Variants in CCDC13 observed in about 807,000 individuals in gnomAD.
The protein encoded by CCDC13 is coiled-coil domain containing 13.
In CCDC13, 70 loss-of-function variants were observed where a neutral mutation model predicts 87.3. That is an observed-to-expected ratio of 0.80 (90% CI 0.66 to 0.98). CCDC13 has a LOEUF of 0.98. CCDC13 is among the 50% of genes least tolerant of loss of function. The pLI is 0.00. For missense variants in CCDC13, 842 were observed against 892.0 expected (o/e 0.94, Z 0.71); for synonymous variants, 317 against 360.3 (o/e 0.88, Z 1.36).
intron 1 of CCDC13, among the ~76,000 whole-genome samples, chr3:42,772,164 C>A (rs1010701304): frequency 6.7e-6 from 1 of 149,950 alleles, no homozygotes; most frequent in Non-Finnish European, 1.5e-5. Context: ...CCCAGCTACT[C>A]GAGCCCAAGG....
rs766510697 is a variant in CCDC13 at position 42,709,741 on chromosome 3, G to A, written c.1931C>T (p.Ser644Phe). 6.2e-7 allele frequency: 1 copy of A among 1,614,204 alleles called. No homozygotes were observed. Among genetic ancestry groups the A allele is most frequent in the Non-Finnish European group, 8.5e-7 (1 of 1,180,030 alleles). The change falls in exon 15 of 16, where the codon TCC becomes TTC. Residue 644 changes from serine to phenylalanine, a missense_variant. Coordinates refer to ENST00000310232, the MANE Select transcript of CCDC13 (RefSeq NM_144719.4). ...GGGCACATCGGAGAGCTGGGCAAAG[G>A]ATGGGTCCTTCTTCTCGCTCCCGGT... is the stretch of plus-strand genomic sequence containing the variant. The part of the protein sequence containing the change: ...NPTGSEKKDP[S>F]FAQLSDVPVE...
chr3:42,744,899 C>T lies in CCDC13; in HGVS notation c.825+1024G>A, dbSNP rs201084296. The T allele has an allele frequency of 3.3e-5, 5 of 151,288 alleles. No homozygotes were observed. In the East Asian group the frequency reaches 9.7e-4, roughly 29 times the overall value. The allele number at this position is 151,288 out of a possible 1,614,324, so 9.4% of individuals were successfully genotyped here. On this transcript the variant is annotated intron_variant, in intron 7 of 15. Coordinates refer to ENST00000310232, the MANE Select transcript of CCDC13 (RefSeq NM_144719.4). The stretch of plus-strand genomic sequence containing the variant: ...GTGCTTATTATGGTCAGGCACTGTC[C>T]TAGGTGCTTTACAAATGTTATTTTA...
chr3:42,756,423 C>T (rs1213429389), intron 3 of CCDC13, among the ~76,000 whole-genome samples: 2 of 152,184 alleles, frequency 1.3e-5, no homozygotes, highest in African/African-American at 2.4e-5. Context: ...ACCATGAGGT[C>T]TCCACCAACA....
chr3:42,754,341 TCAGAG>T (rs1699658501), intron 3 of CCDC13, among the ~76,000 whole-genome samples: 1 of 151,944 alleles, frequency 6.6e-6, no homozygotes, highest in Non-Finnish European at 1.5e-5. Flanking sequence ...GAGAAAAGGC[TCAGAG>T]CAGACCTGGA....
intron 13 of CCDC13, among the ~76,000 whole-genome samples, chr3:42,724,335 C>T (rs1473479417): frequency 6.6e-6 from 1 of 152,178 alleles, no homozygotes; most frequent in Non-Finnish European, 1.5e-5. Context: ...CTCTTTCTTC[C>T]TCATCTTCAG....
At chr3:42,745,168 T>C (rs1303690737) in intron 7 of CCDC13, 5 of 152,252 alleles carry the variant, frequency 3.3e-5, no homozygotes, top group Non-Finnish European at 7.3e-5. Context: ...AAGGGTGATA[T>C]GCTTGGCAAA....
intron 1 of CCDC13, among the ~76,000 whole-genome samples, chr3:42,766,609 A>AG: frequency 1.8e-4 from 1 of 5,680 alleles, no homozygotes; most frequent in Non-Finnish European, 3.0e-4. Context: ...TGTCTCAAAG[A>AG]AAAAAAAAAA....
intron 1 of CCDC13, among the ~76,000 whole-genome samples, chr3:42,771,314 A>G (rs1026814579): frequency 2.0e-5 from 3 of 152,226 alleles, no homozygotes; most frequent in African/African-American, 7.2e-5. Context: ...AATGAAAAAT[A>G]TCAGTGGTTT....
intron 2 of CCDC13, 146 bp downstream of exon 2, chr3:42,757,979 G>C: frequency 1.6e-6 from 1 of 643,166 alleles, no homozygotes; most frequent in South Asian, 2.0e-5. Context: ...ATCAAAACTT[G>C]TTAAATGCAG....
chr3:42,757,977 T>C (rs952928023), intron 2 of CCDC13, 148 bp downstream of exon 2: 1 of 637,210 alleles, frequency 1.6e-6, no homozygotes, highest in Non-Finnish European at 2.7e-6. Context: ...GTATCAAAAC[T>C]TGTTAAATGC....
Position 42,752,610 on chromosome 3 carries a change from GCTTCACC to G in CCDC13, c.471_477del (p.Arg157SerfsTer3). On this transcript the variant is annotated frameshift_variant, in exon 4 of 16. Transcript: ENST00000310232. LOFTEE classifies it high-confidence loss of function. The stretch of plus-strand genomic sequence containing the variant: ...AGCTCCTGGATGCGATTGGTCAGCT[GCTTCACC>G]CTGGTTTTTGCACCCTCTGATTCTG... 6.2e-7 allele frequency: 1 copy of G among 1,614,224 alleles called. No homozygotes were observed. Among genetic ancestry groups the G allele is most frequent in the Non-Finnish European group, 8.5e-7 (1 of 1,180,046 alleles).
chr3:42,747,447 T>C, intron 5 of CCDC13, 74 bp from the exon 6 acceptor site: 1 of 1,030,704 alleles, frequency 9.7e-7, no homozygotes, highest in Non-Finnish European at 1.5e-6. Context: ...CCCCCATTTA[T>C]CCAAGTCTGT....
chr3:42,759,452 C>T lies in CCDC13; in HGVS notation c.-6-1101G>A, dbSNP rs548610352. 3.3e-5 allele frequency among the ~76,000 whole-genome samples: 5 copies of T among 152,334 alleles called. No homozygotes were observed. The South Asian group carries it at 8.3e-4, about 25-fold the overall frequency. ...TGCCCTTTTGCAGTCAATTTCCAGCCAATCCCAATCCCAATCCCAGGCAAA... is the reference window on the plus strand; with the variant it reads ...TGCCCTTTTGCAGTCAATTTCCAGCTAATCCCAATCCCAATCCCAGGCAAA... On this transcript the variant is annotated intron_variant, in intron 1 of 15. Transcript: ENST00000310232.
chr3:42,755,561 C>T (rs1303107796), intron 3 of CCDC13, among the ~76,000 whole-genome samples: 6 of 152,196 alleles, frequency 3.9e-5, no homozygotes, highest in South Asian at 4.1e-4. Context: ...GAGCCAAGAT[C>T]GTGCCACTGC....
intron 13 of CCDC13, among the ~76,000 whole-genome samples, chr3:42,722,422 G>C (rs969245517): frequency 6.6e-6 from 1 of 152,162 alleles, no homozygotes; most frequent in Non-Finnish European, 1.5e-5. Context: ...GAAACCTACT[G>C]GGCTGCATTC....
rs1437370063 is a variant in CCDC13 at position 42,708,862 on chromosome 3, G to A, written c.*118C>T. 12 of 1,043,188 alleles carry A rather than the reference G, an allele frequency of 1.2e-5. No individual in the cohort carries two copies. The highest frequency in any genetic ancestry group is 1.6e-5 in the Non-Finnish European group (12 of 736,568). 64.6% of individuals were successfully genotyped at this position (1,043,188 alleles called of 1,614,324 possible). A position where few individuals can be genotyped will look rare whatever the true frequency, so the allele number is the denominator to read the frequency against. ...CCTTAAGGAGCCTCTTCTGGTAGAA[G>A]TGGTTGAGCTGGCTGCCCTGGGCTG... On this transcript the variant is annotated 3_prime_UTR_variant, in exon 16 of 16. Transcript: ENST00000310232.
At chr3:42,767,568 T>C (rs1343030255) in intron 1 of CCDC13, among the ~76,000 whole-genome samples, 2 of 152,216 alleles carry the variant, frequency 1.3e-5, no homozygotes, top group Non-Finnish European at 2.9e-5. Context: ...AATTACTGTA[T>C]GGATATCGAC....
At chr3:42,770,211 G>C (rs1218895661) in intron 1 of CCDC13, among the ~76,000 whole-genome samples, 1 of 152,204 alleles carries the variant, frequency 6.6e-6, no homozygotes, top group Admixed American at 6.5e-5. Context: ...TCTAGCTCAA[G>C]GTTTGTAAAC....
At chr3:42,743,143 G>A (rs544842588) in intron 7 of CCDC13, 86 bp from the exon 8 acceptor site, 15 of 1,469,706 alleles carry the variant, frequency 1.0e-5, no homozygotes, top group Admixed American at 1.8e-5. Context: ...CCCACAGACT[G>A]AAGATGGAAC....
Sources: allele counts gnomAD v4.1 joint callset (sites outside exome capture counted in the v4.1 genomes callset), GRCh38; gene constraint gnomAD v4.1.1; transcripts MANE v1.5; gene names NCBI Gene and HGNC (gene_info 2026-07-23, HGNC 2026-07-21).